The following SLC35F1 variants were observed in gnomAD, a reference collection of about 807,000 sequenced individuals.
The protein encoded by SLC35F1 is chromosome 6 open reading frame 169.
In SLC35F1, 14 loss-of-function variants were observed where a neutral mutation model predicts 48.7. The ratio of observed to expected loss-of-function variants is 0.29; its 90% CI spans 0.19 to 0.45. SLC35F1 has a LOEUF of 0.45. SLC35F1 is among the 20% of genes least tolerant of loss of function. The probability of loss-of-function intolerance (pLI) is 1.00; values close to 1 mark genes in which losing one functional copy is unlikely to be tolerated. For synonymous variants in SLC35F1, 190 were observed against 202.2 expected (o/e 0.94, Z 0.51); for missense variants, 404 against 500.0 (o/e 0.81, Z 1.83).
chr6:118,107,731 A>ATG (rs1325957315), intron 1 of SLC35F1, among the ~76,000 whole-genome samples: 1 of 151,848 alleles, frequency 6.6e-6, no homozygotes, highest in Non-Finnish European at 1.5e-5. Context: ...GGCAACGGGT[A>ATG]TGTGTGTGTG....
intron 2 of SLC35F1, among the ~76,000 whole-genome samples, chr6:118,226,598 G>A (rs1050972022): frequency 6.6e-6 from 1 of 152,064 alleles, no homozygotes; most frequent in Non-Finnish European, 1.5e-5. Flanking sequence ...AGTGAAATAA[G>A]CCAAGCATAG....
At chr6:117,960,093 G>C (rs1466628341) in intron 1 of SLC35F1, among the ~76,000 whole-genome samples, 2 of 152,038 alleles carry the variant, frequency 1.3e-5, no homozygotes, top group Non-Finnish European at 2.9e-5. Context: ...GCAAGGCATT[G>C]AAGAGGGTGC....
At chr6:117,984,493 CAAAA>C (rs1215573454) in intron 1 of SLC35F1, among the ~76,000 whole-genome samples, 3 of 60,962 alleles carry the variant, frequency 4.9e-5, no homozygotes, top group Non-Finnish European at 7.4e-5. Context: ...GACTCGGTCT[CAAAA>C]AAAAAAAAAA....
chr6:118,011,612 T>G (rs187674605), intron 1 of SLC35F1, among the ~76,000 whole-genome samples: 1 of 152,288 alleles, frequency 6.6e-6, no homozygotes, highest in East Asian at 1.9e-4. Context: ...ACATGTGCAG[T>G]TCACAATAGG....
In SLC35F1 at chr6:117,949,382, G is replaced by A. The variant is rs115912755; in HGVS notation, c.173+41483G>A. Reference sequence around the variant, plus strand: ...CAAATGATAACCATTACAAGTTATTGTTTATTCCTCTCTTGGCACACCTGC... The same window carrying A: ...CAAATGATAACCATTACAAGTTATTATTTATTCCTCTCTTGGCACACCTGC... On this transcript the variant is annotated intron_variant, in intron 1 of 7. Coordinates refer to ENST00000360388, the MANE Select transcript of SLC35F1 (RefSeq NM_001029858.4). Among the ~76,000 whole-genome samples the A allele has an allele frequency of 1.2e-3, 190 of 152,218 alleles. 2 individuals are homozygous for A. In the East Asian group the frequency reaches 0.026, roughly 21 times the overall value.
chr6:117,960,641 A>C (rs924213401), intron 1 of SLC35F1, among the ~76,000 whole-genome samples: 8 of 152,136 alleles, frequency 5.3e-5, no homozygotes, highest in African/African-American at 1.9e-4. Flanking sequence ...TTTATCTGGT[A>C]TATCCCCCCC....
intron 6 of SLC35F1, among the ~76,000 whole-genome samples, chr6:118,280,108 GTTA>G (rs1364573054): frequency 3.3e-5 from 5 of 152,196 alleles, no homozygotes; most frequent in African/African-American, 1.2e-4. Context: ...GAAGATAATA[GTTA>G]TTGTTGTTTG....
At chr6:118,186,334 A>G (rs1343723980) in intron 2 of SLC35F1, among the ~76,000 whole-genome samples, 1 of 152,092 alleles carries the variant, frequency 6.6e-6, no homozygotes, top group East Asian at 1.9e-4. Flanking sequence ...CTACTCTATG[A>G]GAGTAAAAGA....
intron 1 of SLC35F1, among the ~76,000 whole-genome samples, chr6:117,956,690 C>T (rs1479680968): frequency 3.3e-5 from 5 of 152,178 alleles, no homozygotes; most frequent in African/African-American, 1.2e-4. Flanking sequence ...AAAGTGCCTA[C>T]AAGGGAAGCT....
intron 2 of SLC35F1, among the ~76,000 whole-genome samples, chr6:118,172,204 T>C (rs1774416158): frequency 6.6e-6 from 1 of 151,954 alleles, no homozygotes; most frequent in African/African-American, 2.4e-5. Context: ...AAGCAGAGTA[T>C]GAGGGATAAC....
intron 1 of SLC35F1, among the ~76,000 whole-genome samples, chr6:118,069,163 TA>T (rs1772662604): frequency 6.6e-6 from 1 of 152,216 alleles, no homozygotes; most frequent in South Asian, 2.1e-4. Flanking sequence ...CGTGTTCATT[TA>T]ATGCTTGCAG....
Position 118,314,048 on chromosome 6 carries a change from G to T in SLC35F1, c.1023G>T (p.Leu341=), listed in dbSNP as rs1436231470. 4 of 1,614,150 alleles carry T rather than the reference G, an allele frequency of 2.5e-6. No homozygotes were observed. Among genetic ancestry groups the T allele is most frequent in the Non-Finnish European group, 2.5e-6 (3 of 1,180,028 alleles). Residue 341 remains leucine, a synonymous_variant, in exon 8 of 8, where the codon CTG becomes CTT. Coordinates refer to ENST00000360388, the MANE Select transcript of SLC35F1 (RefSeq NM_001029858.4). ...TTTAGTTTTCAGGACTTTATCTCCT[G>T]TCTTTCTTCACCATCCTCATTGGGC... ...FHYKFSGLYL[L]SFFTILIGLV...
chr6:118,081,484 A>T (rs959774081), intron 1 of SLC35F1, among the ~76,000 whole-genome samples: 1 of 151,960 alleles, frequency 6.6e-6, no homozygotes, highest in South Asian at 2.1e-4. Flanking sequence ...TTTTAAAAAA[A>T]AATAGCTAGG....
chr6:118,120,457 A>G (rs1018325874), intron 1 of SLC35F1, among the ~76,000 whole-genome samples: 9 of 152,156 alleles, frequency 5.9e-5, no homozygotes, highest in Non-Finnish European at 1.2e-4. Flanking sequence ...AACCTCAAAG[A>G]TAGGGAATTC....
At chr6:117,934,156 A>T (rs1363611680) in intron 1 of SLC35F1, among the ~76,000 whole-genome samples, 2 of 152,144 alleles carry the variant, frequency 1.3e-5, no homozygotes, top group African/African-American at 4.8e-5. Context: ...CTAGGATAGG[A>T]TTCAACTTTT....
chr6:118,035,756 C>T (rs1772121920), intron 1 of SLC35F1, among the ~76,000 whole-genome samples: 1 of 118,374 alleles, frequency 8.4e-6, no homozygotes, highest in Non-Finnish European at 1.6e-5. Context: ...GTGATGTGAT[C>T]TCGGCTCACT....
chr6:118,231,046 G>A (rs1434776702), intron 2 of SLC35F1, among the ~76,000 whole-genome samples: 1 of 151,952 alleles, frequency 6.6e-6, no homozygotes, highest in Non-Finnish European at 1.5e-5. Flanking sequence ...AGGAAGGAGG[G>A]ATGGAAATGA....
intron 7 of SLC35F1, among the ~76,000 whole-genome samples, chr6:118,298,152 A>G (rs1462603021): frequency 6.6e-6 from 1 of 152,174 alleles, no homozygotes; most frequent in Non-Finnish European, 1.5e-5. Flanking sequence ...CTACAGAACC[A>G]CAAGCCAAAA....
intron 2 of SLC35F1, among the ~76,000 whole-genome samples, chr6:118,201,013 G>A (rs954646106): frequency 2.0e-5 from 3 of 152,238 alleles, no homozygotes; most frequent in East Asian, 1.9e-4. Context: ...AACCTCCTGA[G>A]CGATCTTCCC....
Sources: allele counts gnomAD v4.1 joint callset (sites outside exome capture counted in the v4.1 genomes callset), GRCh38; gene constraint gnomAD v4.1.1; transcripts MANE v1.5; gene names NCBI Gene and HGNC (gene_info 2026-07-23, HGNC 2026-07-21).